Variants in GPRASP3 observed in about 807,000 individuals in gnomAD.
GPRASP3 encodes G protein-coupled receptor associated sorting protein 3.
At chrX:102,729,615 ATCCC>A in the GPRASP3 span, among the ~76,000 whole-genome samples, 1 of 112,391 alleles carries the variant, frequency 8.9e-6, no homozygotes, top group African/African-American at 3.2e-5. Flanking sequence ...CACGCCTGTA[ATCCC>A]AACACTTTGG....
At chrX:102,742,534 G>T in the GPRASP3 span, among the ~76,000 whole-genome samples, 8 of 112,402 alleles carry the variant, frequency 7.1e-5, no homozygotes, top group African/African-American at 1.3e-4. Context: ...TGCCTTCCTT[G>T]TTGGAAGCAA....
chrX:102,732,304 T>A, the GPRASP3 span, among the ~76,000 whole-genome samples: 1 of 112,087 alleles, frequency 8.9e-6, no homozygotes, highest in East Asian at 2.8e-4. Flanking sequence ...ATTCCGTGGA[T>A]TGGTGAAAGC....
chrX:102,743,182 CTT>C, the GPRASP3 span, among the ~76,000 whole-genome samples: 1 of 101,889 alleles, frequency 9.8e-6, no homozygotes. Flanking sequence ...ATGTATGTAG[CTT>C]TTTTTTTTTT....
chrX:102,726,947 C>A, the GPRASP3 span, among the ~76,000 whole-genome samples: 1 of 112,516 alleles, frequency 8.9e-6, no homozygotes, highest in East Asian at 2.8e-4. Flanking sequence ...CATTAGGACA[C>A]GTGTTGAGAA....
chrX:102,749,927 C>T, the GPRASP3 span: 20 of 1,209,362 alleles, frequency 1.7e-5, no homozygotes, highest in Non-Finnish European at 2.1e-5. Flanking sequence ...AAGCCATTTG[C>T]TTGTCCTTGC....
chrX:102,748,862 A>G, the GPRASP3 span: 1 of 641,630 alleles, frequency 1.6e-6, no homozygotes. Context: ...TTGTGACTGC[A>G]GAACTGACAG....
At chrX:102,744,832 T>G in the GPRASP3 span, among the ~76,000 whole-genome samples, 2 of 111,232 alleles carry the variant, frequency 1.8e-5, no homozygotes, top group South Asian at 7.6e-4. Flanking sequence ...CATGGAATTG[T>G]CATGATTCAG....
At chrX:102,743,635 T>C in the GPRASP3 span, among the ~76,000 whole-genome samples, 2 of 109,934 alleles carry the variant, frequency 1.8e-5, no homozygotes, top group Non-Finnish European at 3.8e-5. Context: ...AAATGGGAGA[T>C]GGAGTCCTGT....
chrX:102,730,985 T>C, the GPRASP3 span, among the ~76,000 whole-genome samples: 1 of 112,370 alleles, frequency 8.9e-6, no homozygotes, highest in Non-Finnish European at 1.9e-5. Flanking sequence ...TGTGGGATGA[T>C]TTTGAAAGGT....
the GPRASP3 span, among the ~76,000 whole-genome samples, chrX:102,723,043 A>G: frequency 8.9e-6 from 1 of 112,047 alleles, no homozygotes; most frequent in African/African-American, 3.2e-5. Context: ...TCTCAATTAC[A>G]TTACACATTC....
chrX:102,740,364 G>A, the GPRASP3 span, among the ~76,000 whole-genome samples: 4 of 111,954 alleles, frequency 3.6e-5, no homozygotes, highest in African/African-American at 1.3e-4. Context: ...TCTCTGCCTG[G>A]TAATCCAGGG....
the GPRASP3 span, chrX:102,751,785 G>T: frequency 8.1e-6 from 1 of 122,984 alleles, no homozygotes; most frequent in Admixed American, 9.5e-5. Context: ...TTTGTTCAAT[G>T]AGTAAGATGT....
At chrX:102,739,778 G>A in the GPRASP3 span, among the ~76,000 whole-genome samples, 1 of 111,991 alleles carries the variant, frequency 8.9e-6, no homozygotes, top group Non-Finnish European at 1.9e-5. Flanking sequence ...CTGGCCACAT[G>A]CCAGCAGACA....
chrX:102,741,428 T>C, the GPRASP3 span, among the ~76,000 whole-genome samples: 12 of 112,047 alleles, frequency 1.1e-4, no homozygotes, highest in Admixed American at 3.8e-4. Flanking sequence ...GAGGCTTTCT[T>C]TCCTTTTCCA....
the GPRASP3 span, chrX:102,749,572 G>C: frequency 8.3e-7 from 1 of 1,211,788 alleles, no homozygotes; most frequent in Non-Finnish European, 1.1e-6. Context: ...TCCTAAACCT[G>C]TGAGCAGGAT....
chrX:102,727,080 G>A, the GPRASP3 span, among the ~76,000 whole-genome samples: 435 of 112,873 alleles, frequency 3.9e-3, 3 homozygotes, highest in African/African-American at 0.013. Context: ...TTGTGCCTGA[G>A]CACATCTAGG....
chrX:102,724,811 T>TACCCG, the GPRASP3 span, among the ~76,000 whole-genome samples: 2 of 109,571 alleles, frequency 1.8e-5, no homozygotes. Context: ...GAATCCTTCC[T>TACCCG]CAATTATTTT....
chrX:102,749,272 G>T, the GPRASP3 span: 1 of 1,211,363 alleles, frequency 8.3e-7, no homozygotes, highest in Non-Finnish European at 1.1e-6. Context: ...TCCCAAGGCT[G>T]GGAATGAGTC....
chrX:102,744,533 C>T, the GPRASP3 span, among the ~76,000 whole-genome samples: 1 of 111,882 alleles, frequency 8.9e-6, no homozygotes, highest in Non-Finnish European at 1.9e-5. Context: ...CTAGTATCTC[C>T]TAAGTCACAT....
Sources: gnomAD v4.1 joint callset for allele counts (sites outside exome capture counted in the v4.1 genomes callset) on GRCh38, gnomAD v4.1.1 for gene constraint, MANE v1.5 for transcripts, NCBI Gene and HGNC (gene_info 2026-07-23, HGNC 2026-07-21) for gene names.